The following FDX1 variants were observed in gnomAD, a reference collection of about 807,000 sequenced individuals.
FDX1 encodes the protein ferredoxin 1.
Under a neutral mutation model 14.9 loss-of-function variants are expected in FDX1, and 9 were observed. The ratio of observed to expected loss-of-function variants is 0.60; its 90% CI spans 0.36 to 1.05. The LOEUF (loss-of-function observed/expected upper bound fraction) is 1.05, where lower values mean the gene tolerates loss of function less well. FDX1 is among the 50% of genes least tolerant of loss of function. The pLI is 0.01. For synonymous variants in FDX1, 92 were observed against 99.4 expected, an observed-to-expected ratio of 0.93 and a Z score of 0.44; for missense variants, 204 against 237.2, an observed-to-expected ratio of 0.86 and a Z score of 0.92.
At chr11:110,443,944 T>G (rs971278903) in intron 2 of FDX1, among the ~76,000 whole-genome samples, 3 of 152,156 alleles carry the variant, frequency 2.0e-5, no homozygotes, top group African/African-American at 7.2e-5. Flanking sequence ...TTAAGTTCCC[T>G]ATAGATTCTG....
chr11:110,444,437 G>A (rs1185623526), intron 2 of FDX1, among the ~76,000 whole-genome samples: 1 of 151,464 alleles, frequency 6.6e-6, no homozygotes, highest in African/African-American at 2.4e-5. Flanking sequence ...CCAACATGGT[G>A]AAGCCCCATC....
chr11:110,432,812 C>T (rs941502899), intron 1 of FDX1, among the ~76,000 whole-genome samples: 1 of 152,186 alleles, frequency 6.6e-6, no homozygotes, highest in Non-Finnish European at 1.5e-5. Flanking sequence ...ACTCTTTCAA[C>T]TTAAGAATTA....
intron 3 of FDX1, among the ~76,000 whole-genome samples, chr11:110,459,937 A>G (rs930346508): frequency 8.5e-5 from 13 of 152,348 alleles, no homozygotes; most frequent in African/African-American, 1.4e-4. Flanking sequence ...TTGTTCTTCT[A>G]TCACCACACT....
chr11:110,456,884 A>T (rs752368904), intron 2 of FDX1, 34 bp from the exon 3 acceptor site: 7 of 1,586,632 alleles, frequency 4.4e-6, no homozygotes, highest in Non-Finnish European at 6.0e-6. Context: ...CTGATGTAGA[A>T]GGGACTATGT....
rs114444204 is a variant in FDX1, at chr11:110,451,296, T to C, written c.311-5622T>C. Among the ~76,000 whole-genome samples, 465 of 152,348 alleles carry C rather than the reference T, an allele frequency of 3.1e-3. 1 individual carries two copies. The highest frequency in any genetic ancestry group is 0.01 in the African/African-American group (431 of 41,576). On this transcript the variant is annotated intron_variant, in intron 2 of 3. Coordinates refer to ENST00000260270, the MANE Select transcript of FDX1 (RefSeq NM_004109.5). ...TTCTTCACAACTGACTTAATCACCA[T>C]TTATAGCTTGTTTTTTGGGATAAAA...
At chr11:110,456,506 A>G (rs1464032456) in intron 2 of FDX1, among the ~76,000 whole-genome samples, 2 of 92,512 alleles carry the variant, frequency 2.2e-5, no homozygotes, top group South Asian at 3.4e-4. Context: ...TCATTTATGT[A>G]TTCTTTTTTT....
At chr11:110,433,159 T>A (rs112534947) in intron 1 of FDX1, among the ~76,000 whole-genome samples, 1,902 of 152,314 alleles carry the variant, frequency 0.012, 40 homozygotes, top group African/African-American at 0.04. Context: ...TGGCTTTCAG[T>A]AGTGTGTATA....
At chr11:110,437,200 C>T (rs73564142) in intron 2 of FDX1, among the ~76,000 whole-genome samples, 21,709 of 152,096 alleles carry the variant, frequency 0.14, 1,702 homozygotes, top group East Asian at 0.25. Context: ...TGCCACATTG[C>T]CCAGCCTGGT....
Position 110,438,304 on chromosome 11 carries a change from A to G in FDX1, c.310+2346A>G, listed in dbSNP as rs150151784. 2.1e-3 allele frequency among the ~76,000 whole-genome samples: 327 copies of G among 152,102 alleles called. 3 individuals carry two copies. The highest frequency in any genetic ancestry group is 7.6e-3 in the African/African-American group (314 of 41,506). On this transcript the variant is annotated intron_variant, in intron 2 of 3. Coordinates refer to ENST00000260270, the MANE Select transcript of FDX1 (RefSeq NM_004109.5). ...CCTTGCCAACATCTGTAATTTTTTGACTTTTTAATGATATTCTTTATGACT... is the reference window on the plus strand; with the variant it reads ...CCTTGCCAACATCTGTAATTTTTTGGCTTTTTAATGATATTCTTTATGACT...
intron 3 of FDX1, among the ~76,000 whole-genome samples, chr11:110,459,398 C>T (rs571467084): frequency 1.6e-4 from 24 of 152,308 alleles, no homozygotes; most frequent in Non-Finnish European, 2.9e-4. Flanking sequence ...TGCCTAGGCA[C>T]TTAAGTATTA....
intron 3 of FDX1, among the ~76,000 whole-genome samples, chr11:110,457,500 C>G (rs1242018633): frequency 6.6e-6 from 1 of 151,942 alleles, no homozygotes; most frequent in Non-Finnish European, 1.5e-5. Flanking sequence ...TTAAAGTAAT[C>G]AGAGCTTATT....
intron 1 of FDX1, among the ~76,000 whole-genome samples, chr11:110,434,599 T>C (rs369138929): frequency 5.3e-5 from 8 of 151,798 alleles, no homozygotes; most frequent in African/African-American, 1.9e-4. Context: ...TCCCAAAGTG[T>C]TGGAATTACA....
chr11:110,441,718 G>A (rs1946405374), intron 2 of FDX1, among the ~76,000 whole-genome samples: 1 of 152,192 alleles, frequency 6.6e-6, no homozygotes, highest in African/African-American at 2.4e-5. Flanking sequence ...GCCTGACAAT[G>A]TGATAGAAAA....
chr11:110,444,703 T>TGTATATATATATATAC (rs1946433730), intron 2 of FDX1, among the ~76,000 whole-genome samples: 10 of 56,076 alleles, frequency 1.8e-4, no homozygotes, highest in East Asian at 1.8e-3. Context: ...TATATATATA[T>TGTATATATATATATAC]ACGTATATAT....
chr11:110,434,481 C>T (rs947869733), intron 1 of FDX1, among the ~76,000 whole-genome samples: 1 of 151,858 alleles, frequency 6.6e-6, no homozygotes, highest in Admixed American at 6.6e-5. Context: ...GGATTACAGG[C>T]ATGTACCACC....
chr11:110,431,152 A>C, intron 1 of FDX1, among the ~76,000 whole-genome samples: 1 of 152,110 alleles, frequency 6.6e-6, no homozygotes. Context: ...TAGGTTCACA[A>C]TGTTAAGAGA....
At position 110,434,731 on chromosome 11, in the gene FDX1, T is replaced by TTG. The variant is rs1250098337; in HGVS notation, c.186-1102_186-1101insGT. ...CTGTGTGATGACTTTTTTTGTTTTT[T>TTG]TTTTTTTTTTTTTTTTTGAGACAGG... On this transcript the variant is annotated intron_variant, in intron 1 of 3. Transcript: ENST00000260270. Among the ~76,000 whole-genome samples the TTG allele has an allele frequency of 1.4e-3, 183 of 131,702 alleles. 2 individuals are homozygous for TTG. The highest frequency in any genetic ancestry group is 4.1e-3 in the East Asian group (20 of 4,844). 86.4% of individuals were successfully genotyped at this position (131,702 alleles called of 152,430 possible). A position where few individuals can be genotyped will look rare whatever the true frequency, so the allele number is the denominator to read the frequency against.
chr11:110,444,725 TATATATATATATATATATACAC>T (rs1565382027), intron 2 of FDX1, among the ~76,000 whole-genome samples: 1,750 of 50,702 alleles, frequency 0.035, 176 homozygotes, highest in African/African-American at 0.13. Flanking sequence ...TATATATACG[TATATATATATATATATATACAC>T]GTATATATAT....
chr11:110,455,227 G>C (rs1029295089), intron 2 of FDX1, among the ~76,000 whole-genome samples: 1 of 151,530 alleles, frequency 6.6e-6, no homozygotes, highest in Non-Finnish European at 1.5e-5. Context: ...GGCTGGTCTC[G>C]AACCTCACGT....
Sources: allele counts gnomAD v4.1 joint callset (sites outside exome capture counted in the v4.1 genomes callset), GRCh38; gene constraint gnomAD v4.1.1; transcripts MANE v1.5; gene names NCBI Gene and HGNC (gene_info 2026-07-23, HGNC 2026-07-21).